Variants in RFC3 observed in about 807,000 individuals in gnomAD.
RFC3 encodes the protein replication factor C subunit 3, also known as A1 38 kDa subunit.
A neutral mutation model predicts 45.1 loss-of-function variants in RFC3; 41 were observed. The observed-to-expected ratio is 0.91, with a 90% CI of 0.71 to 1.18. RFC3 has a LOEUF of 1.18. Ranked by LOEUF, RFC3 falls within the 50% of genes most tolerant of loss-of-function variation. The probability of loss-of-function intolerance (pLI) is 0.00; values close to 1 mark genes in which losing one functional copy is unlikely to be tolerated. For missense variants in RFC3, 423 were observed against 428.1 expected (o/e 0.99, Z 0.10); for synonymous variants, 149 against 144.0 (o/e 1.03, Z -0.25).
intron 8 of RFC3, among the ~76,000 whole-genome samples, chr13:33,884,542 G>A (rs1315171191): frequency 6.6e-6 from 1 of 152,290 alleles, no homozygotes; most frequent in South Asian, 2.1e-4. Flanking sequence ...TGCTGGAGAT[G>A]AACTGTGTAA....
chr13:33,965,902 G>A (rs2083085308), intron 8 of RFC3, among the ~76,000 whole-genome samples: 3 of 151,996 alleles, frequency 2.0e-5, no homozygotes, highest in African/African-American at 7.3e-5. Flanking sequence ...CTTATATTCC[G>A]CATGCTCTTT....
chr13:33,871,512 C>T (rs908475398), intron 8 of RFC3, among the ~76,000 whole-genome samples: 2 of 152,178 alleles, frequency 1.3e-5, no homozygotes, highest in Non-Finnish European at 2.9e-5. Flanking sequence ...TGACATTGGC[C>T]ACAGCCAGCT....
chr13:33,894,912 C>T (rs2082587950), intron 8 of RFC3, among the ~76,000 whole-genome samples: 1 of 152,074 alleles, frequency 6.6e-6, no homozygotes, highest in South Asian at 2.1e-4. Flanking sequence ...GGGGAAAGGA[C>T]ACCTATTCAA....
chr13:33,903,588 T>G (rs951276908), intron 8 of RFC3, among the ~76,000 whole-genome samples: 1 of 152,122 alleles, frequency 6.6e-6, no homozygotes, highest in African/African-American at 2.4e-5. Flanking sequence ...CCACTCTATG[T>G]ACCCCAGATG....
the RFC3 span, among the ~76,000 whole-genome samples, chr13:33,977,304 G>A: frequency 6.6e-6 from 1 of 152,028 alleles, no homozygotes; most frequent in African/African-American, 2.4e-5. Flanking sequence ...ATCGGATGTG[G>A]GGTATATATG....
chr13:33,871,494 C>G (rs960192055), intron 8 of RFC3, among the ~76,000 whole-genome samples: 2 of 152,208 alleles, frequency 1.3e-5, no homozygotes, highest in Non-Finnish European at 2.9e-5. Flanking sequence ...TTCCAACTAC[C>G]CTTGTGATGA....
At chr13:33,903,861 A>C (rs1338021707) in intron 8 of RFC3, among the ~76,000 whole-genome samples, 3 of 152,008 alleles carry the variant, frequency 2.0e-5, no homozygotes, top group African/African-American at 7.2e-5. Flanking sequence ...ACTGAAACAG[A>C]AACTCAGTAT....
intron 8 of RFC3, among the ~76,000 whole-genome samples, chr13:33,908,783 G>A (rs1441851965): frequency 2.0e-5 from 3 of 152,032 alleles, no homozygotes; most frequent in East Asian, 1.9e-4. Flanking sequence ...AGAACCAGAA[G>A]AGCCAATGAC....
Position 33,821,193 on chromosome 13 carries a change from C to CT in RFC3, c.149_150insT (p.Arg51LysfsTer8). ...GGACCATCAGGTGCTGGAAAAAAGA[C>CT]AAGAATTATGTGTATTCTACGTGAA... On this transcript the variant is annotated frameshift_variant, in exon 2 of 9. Coordinates refer to ENST00000380071, the MANE Select transcript of RFC3 (RefSeq NM_002915.4). LOFTEE classifies it high-confidence loss of function. The CT allele has an allele frequency of 7.4e-6, 12 of 1,613,464 alleles. No individual in the cohort carries two copies. Among genetic ancestry groups the CT allele is most frequent in the Non-Finnish European group, 1.0e-5 (12 of 1,179,588 alleles).
chr13:33,930,002 C>G (rs1486616847), intron 8 of RFC3, among the ~76,000 whole-genome samples: 3 of 152,038 alleles, frequency 2.0e-5, no homozygotes, highest in African/African-American at 7.2e-5. Context: ...ATATTTTTAG[C>G]ATTGAGTGTT....
At chr13:33,907,362 A>G (rs1407693591) in intron 8 of RFC3, among the ~76,000 whole-genome samples, 1 of 152,136 alleles carries the variant, frequency 6.6e-6, no homozygotes, top group East Asian at 1.9e-4. Context: ...GTTCTTAAAA[A>G]TAATAAATCC....
At chr13:33,975,141 A>T in the RFC3 span, among the ~76,000 whole-genome samples, 1 of 152,230 alleles carries the variant, frequency 6.6e-6, no homozygotes, top group East Asian at 1.9e-4. Flanking sequence ...AGTAACCAAG[A>T]CGTCCTTCAA....
At chr13:33,921,224 A>G (rs919391995) in intron 8 of RFC3, among the ~76,000 whole-genome samples, 1 of 152,162 alleles carries the variant, frequency 6.6e-6, no homozygotes, top group Admixed American at 6.5e-5. Flanking sequence ...TCATTAGGCA[A>G]TGAGGCTCAC....
rs892313635 is a variant in RFC3 at position 33,965,940 on chromosome 13, G to A, written c.880-147G>A. ...TGACATTGAATATTTACTTGTCTTT[G>A]CCTTATTTTCTTAATTCATTCGTAG... On this transcript the variant is annotated intron_variant, in intron 8 of 8. Transcript: ENST00000434425. 5 of 623,344 alleles carry A rather than the reference G, an allele frequency of 8.0e-6. No homozygotes were observed. The Admixed American group carries it at 8.2e-5, about 10-fold the overall frequency. The allele number at this position is 623,344 out of a possible 1,614,324, so 38.6% of individuals were successfully genotyped here.
At chr13:33,884,579 A>G (rs1036962992) in intron 8 of RFC3, among the ~76,000 whole-genome samples, 6 of 152,214 alleles carry the variant, frequency 3.9e-5, no homozygotes, top group African/African-American at 1.2e-4. Flanking sequence ...TTGTTCATAA[A>G]GCATTTCTCC....
At chr13:33,940,695 G>C (rs754446324) in intron 8 of RFC3, among the ~76,000 whole-genome samples, 3 of 151,992 alleles carry the variant, frequency 2.0e-5, no homozygotes, top group Admixed American at 2.0e-4. Context: ...CTGACTTACC[G>C]TAGTCTAATA....
chr13:33,842,292 A>G (rs1399867509), downstream of RFC3, among the ~76,000 whole-genome samples: 1 of 144,746 alleles, frequency 6.9e-6, no homozygotes, highest in Non-Finnish European at 1.5e-5. Context: ...TGTCTCAGGA[A>G]AAAAAAAAAA....
At chr13:33,894,390 T>TA (rs1463620849) in intron 8 of RFC3, among the ~76,000 whole-genome samples, 1 of 152,194 alleles carries the variant, frequency 6.6e-6, no homozygotes, top group Non-Finnish European at 1.5e-5. Flanking sequence ...TTCCTGATCT[T>TA]ACCTCACAGG....
chr13:33,916,161 C>G (rs2082732149), intron 8 of RFC3, among the ~76,000 whole-genome samples: 1 of 152,190 alleles, frequency 6.6e-6, no homozygotes, highest in South Asian at 2.1e-4. Flanking sequence ...GAGGAACATG[C>G]TTGCTTGCTG....
Sources: allele counts gnomAD v4.1 joint callset (sites outside exome capture counted in the v4.1 genomes callset), GRCh38; gene constraint gnomAD v4.1.1; transcripts MANE v1.5; gene names NCBI Gene and HGNC (gene_info 2026-07-23, HGNC 2026-07-21).